FSD2: variants seen among roughly 807,000 people sequenced by gnomAD.
The protein encoded by FSD2 is fibronectin type III and SPRY domain-containing protein 2.
A neutral mutation model predicts 80.4 loss-of-function variants in FSD2; 71 were observed. That is an observed-to-expected ratio of 0.88 (90% CI 0.73 to 1.08). The LOEUF (loss-of-function observed/expected upper bound fraction) is 1.08. Among genes scored for constraint, FSD2 ranks in the 50% least tolerant of loss-of-function variants. FSD2 has a pLI of 0.00. For synonymous variants in FSD2, 361 were observed against 329.5 expected, an observed-to-expected ratio of 1.10 and a Z score of -1.03; for missense variants, 923 against 913.8, an observed-to-expected ratio of 1.01 and a Z score of -0.13.
chr15:82,790,411 C>G (rs1306222317), intron 1 of FSD2, among the ~76,000 whole-genome samples: 1 of 152,184 alleles, frequency 6.6e-6, no homozygotes, highest in Non-Finnish European at 1.5e-5. Flanking sequence ...GCTGCCTCCC[C>G]ATTTTATTGC....
chr15:82,767,343 A>G (rs2049447276), intron 9 of FSD2, among the ~76,000 whole-genome samples: 1 of 152,166 alleles, frequency 6.6e-6, no homozygotes, highest in Non-Finnish European at 1.5e-5. Context: ...TCTCCTACAT[A>G]GGAGAAGCAT....
In FSD2 at chr15:82,787,485, G is replaced by A. The variant is rs2050031233; in HGVS notation, c.-78-17C>T. 7.9e-7 allele frequency: 1 copy of A among 1,258,584 alleles called. No individual in the cohort carries two copies. The highest frequency in any genetic ancestry group is 1.1e-6 in the Non-Finnish European group (1 of 910,112). The allele number at this position is 1,258,584 out of a possible 1,614,324, so 78.0% of individuals were successfully genotyped here. The stretch of plus-strand genomic sequence containing the variant: ...ATCTGGGCCCTGGAACACAAAAGGA[G>A]GAGGAAAATCATTTCTGGAGAAGGG... On this transcript the variant is annotated splice_polypyrimidine_tract_variant and intron_variant, in intron 1 of 12. Coordinates refer to ENST00000334574, the MANE Select transcript of FSD2 (RefSeq NM_001007122.4).
chr15:82,791,106 C>T (rs767841751), intron 1 of FSD2, among the ~76,000 whole-genome samples: 34 of 151,680 alleles, frequency 2.2e-4, no homozygotes, highest in Non-Finnish European at 4.3e-4. Context: ...TCACGCCATT[C>T]TCCTGCCTCA....
At chr15:82,770,823 C>T (rs1402772376) in intron 7 of FSD2, among the ~76,000 whole-genome samples, 4 of 152,128 alleles carry the variant, frequency 2.6e-5, no homozygotes, top group Non-Finnish European at 4.4e-5. Flanking sequence ...CCTTAATTTA[C>T]GTTCGGATAT....
chr15:82,799,613 T>C (rs1175593995), intron 1 of FSD2, among the ~76,000 whole-genome samples: 2 of 152,088 alleles, frequency 1.3e-5, no homozygotes, highest in African/African-American at 2.4e-5. Context: ...CAGATGGAGC[T>C]CATTGCCTCT....
intron 1 of FSD2, among the ~76,000 whole-genome samples, chr15:82,797,570 GGAGGCCGAGGCGGGCAGATCAT>G (rs2050306078): frequency 6.6e-6 from 1 of 152,192 alleles, no homozygotes; most frequent in Non-Finnish European, 1.5e-5. Flanking sequence ...CAACACTTTG[GGAGGCCGAGGCGGGCAGATCAT>G]GAGGTCAGGA....
chr15:82,791,650 G>A (rs994940553), intron 1 of FSD2, among the ~76,000 whole-genome samples: 2 of 152,138 alleles, frequency 1.3e-5, no homozygotes, highest in African/African-American at 4.8e-5. Flanking sequence ...GAGATTACAG[G>A]AGTGAGCCAC....
At chr15:82,780,345 T>G (rs2049824365) in intron 4 of FSD2, 78 bp from the exon 5 acceptor site, 4 of 1,159,164 alleles carry the variant, frequency 3.5e-6, no homozygotes, top group Non-Finnish European at 4.8e-6. Flanking sequence ...TTCTTTTTTT[T>G]TTTTTCTTAA....
rs542937446 is a variant in FSD2, at chr15:82,769,963, A to T, written c.1268-79T>A. 4 of 1,547,166 alleles carry T rather than the reference A, an allele frequency of 2.6e-6. No homozygotes were observed. In the East Asian group the frequency reaches 6.8e-5, roughly 26 times the overall value. On this transcript the variant is annotated intron_variant, in intron 7 of 12. Transcript: ENST00000334574. ...AATTCATTATGCCGAATCCCACAGT[A>T]GTAGATTACAAAACTGGCTATAAAT...
chr15:82,774,226 C>T (rs959310375), intron 6 of FSD2, among the ~76,000 whole-genome samples: 2 of 152,104 alleles, frequency 1.3e-5, no homozygotes, highest in African/African-American at 4.8e-5. Context: ...GTGTACGGTG[C>T]CACACCAAGC....
chr15:82,804,275 G>C (rs528118444), intron 1 of FSD2, among the ~76,000 whole-genome samples: 2 of 152,000 alleles, frequency 1.3e-5, no homozygotes, highest in Non-Finnish European at 2.9e-5. Flanking sequence ...TCTCCCAGGG[G>C]GCCCAGGCAG....
intron 4 of FSD2, among the ~76,000 whole-genome samples, chr15:82,782,153 C>T (rs573119465): frequency 6.5e-4 from 97 of 149,456 alleles, no homozygotes; most frequent in African/African-American, 2.1e-3. Context: ...CCCAGCACTT[C>T]GGGAGGCCAA....
At position 82,762,198 on chromosome 15, in the gene FSD2, T is replaced by C. The variant is rs2151485890; in HGVS notation, c.1901A>G (p.Tyr634Cys). The C allele has an allele frequency of 1.2e-6, 2 of 1,613,906 alleles. No individual in the cohort carries two copies. The highest frequency in any genetic ancestry group is 2.2e-5 in the East Asian group (1 of 44,878). ...WEVEVDEHLD[Y>C]RVGVAFADVR... ...ATCTGCAAAGGCCACACCAACTCTG[T>C]AGTCCAAATGCTCATCCACCTCCAC... Residue 634 changes from tyrosine (Y) to cysteine (C), a missense_variant, in exon 12 of 13, where the codon TAC (tyrosine) becomes TGC (cysteine). By Grantham distance (194) the Tyr-to-Cys change is radical. Transcript: ENST00000334574.
intron 3 of FSD2, among the ~76,000 whole-genome samples, chr15:82,786,169 T>A (rs1321697583): frequency 6.6e-6 from 1 of 152,154 alleles, no homozygotes; most frequent in African/African-American, 2.4e-5. Context: ...AGAGGGATTG[T>A]GATTGGGAAA....
chr15:82,790,189 GACA>G (rs72034718), intron 1 of FSD2, among the ~76,000 whole-genome samples: 66,995 of 151,416 alleles, frequency 0.44, 14,717 homozygotes, highest in Admixed American at 0.49. Flanking sequence ...CAACAACAAC[GACA>G]ACAACAACAA....
At chr15:82,762,376 C>A in intron 11 of FSD2, 98 bp from the exon 12 acceptor site, 1 of 1,183,042 alleles carries the variant, frequency 8.5e-7, no homozygotes, top group Non-Finnish European at 1.2e-6. Flanking sequence ...AGTCGGTGGT[C>A]TACGAACGTG....
Position 82,762,129 on chromosome 15 carries a change from C to G in FSD2, c.1970G>C (p.Cys657Ser). The change falls in exon 12 of 13, where the codon TGC becomes TCC. Residue 657 changes from cysteine to serine, a missense_variant. By Grantham distance (112) the Cys-to-Ser change is moderately radical. Transcript: ENST00000334574. ...EDLGANCLSWCMRHTFASSRH... is the reference protein window; with the variant it reads ...EDLGANCLSWSMRHTFASSRH... ...TGATGATGCAAATGTGTGCCTCATG[C>G]ACCAGGAGAGGCAATTTGCTCCCAG... 1 of 1,607,432 alleles carries G rather than the reference C, an allele frequency of 6.2e-7. No individual in the cohort carries two copies. The highest frequency in any genetic ancestry group is 1.3e-5 in the African/African-American group (1 of 74,980).
At position 82,790,544 on chromosome 15, in the gene FSD2, T is replaced by TTGTGTGTGTG. The variant is rs57545404; in HGVS notation, c.-78-3086_-78-3077dup. 8.1e-3 allele frequency among the ~76,000 whole-genome samples: 1,211 copies of TTGTGTGTGTG among 148,748 alleles called. 11 individuals carry two copies. Among genetic ancestry groups the TTGTGTGTGTG allele is most frequent in the Middle Eastern group, 0.017 (5 of 294 alleles). ...TTTCTTCCTGGCACAGAGCTGCCAT[T>TTGTGTGTGTG]TGTGTGTGTGTGTGTGTGTGTGTTC... On this transcript the variant is annotated intron_variant, in intron 1 of 12. Transcript: ENST00000334574.
intron 4 of FSD2, among the ~76,000 whole-genome samples, chr15:82,780,526 C>T (rs2049829267): frequency 1.3e-5 from 2 of 151,408 alleles, no homozygotes; most frequent in African/African-American, 2.4e-5. Flanking sequence ...GTAGAGACAG[C>T]GTTTTACCAT....
Sources: gnomAD v4.1 joint callset for allele counts (sites outside exome capture counted in the v4.1 genomes callset) on GRCh38, gnomAD v4.1.1 for gene constraint, MANE v1.5 for transcripts, NCBI Gene and HGNC (gene_info 2026-07-23, HGNC 2026-07-21) for gene names.